Variants in MAP4 observed in about 807,000 individuals in gnomAD.
MAP4 encodes microtubule-associated protein 4.
A neutral mutation model predicts 170.2 loss-of-function variants in MAP4; 76 were observed. That is an observed-to-expected ratio of 0.45 (90% confidence interval 0.37 to 0.54). The LOEUF is 0.54. Among genes scored for constraint, MAP4 ranks in the 20% least tolerant of loss-of-function variants. The pLI is 0.00. For synonymous variants in MAP4, 909 were observed against 994.5 expected (o/e 0.91, Z 1.62); for missense variants, 2,506 against 2,748.0 (o/e 0.91, Z 1.97).
upstream of MAP4, among the ~76,000 whole-genome samples, chr3:48,019,954 TA>T (rs1373631470): frequency 1.3e-5 from 2 of 152,154 alleles, no homozygotes; most frequent in East Asian, 3.8e-4. Context: ...TCAGTGAAAA[TA>T]AAGAAAAGTG....
intron 1 of MAP4, among the ~76,000 whole-genome samples, chr3:48,012,215 C>T (rs1471874480): frequency 2.6e-5 from 4 of 152,196 alleles, no homozygotes; most frequent in African/African-American, 7.2e-5. Context: ...AGCCATATTA[C>T]GGAACTTTCC....
At position 47,870,956 on chromosome 3, in the gene MAP4, T is replaced by C. The variant is rs1286791575; in HGVS notation, c.6151A>G (p.Lys2051Glu). Residue 2051 changes from lysine to glutamate, a missense_variant, in exon 15 of 21, where the codon AAG becomes GAG. By Grantham distance (56) the Lys-to-Glu change is moderately conservative. Coordinates refer to ENST00000683076, the MANE Select transcript of MAP4 (RefSeq NM_001385682.1). ...SRPSTTPFID[K>E]KPTSAKPSST... is the part of the protein sequence containing the mutation. Reference sequence around the variant, plus strand: ...CTGGGTTTGGCCGAGGTGGGCTTCTTGTCTATGAAAGGAGTTGTGGAGGGC... The same window carrying C: ...CTGGGTTTGGCCGAGGTGGGCTTCTCGTCTATGAAAGGAGTTGTGGAGGGC... The C allele has an allele frequency of 1.9e-6, 3 of 1,614,104 alleles. No individual in the cohort carries two copies. The highest frequency in any genetic ancestry group is 1.7e-5 in the Admixed American group (1 of 60,026).
At chr3:47,921,482 CT>C (rs1469254121) in intron 5 of MAP4, among the ~76,000 whole-genome samples, 2 of 152,088 alleles carry the variant, frequency 1.3e-5, no homozygotes, top group Non-Finnish European at 2.9e-5. Flanking sequence ...TTTGCGGCCC[CT>C]AGAGACTCAA....
chr3:47,873,987 C>T (rs1257883626), intron 12 of MAP4, among the ~76,000 whole-genome samples: 1 of 152,122 alleles, frequency 6.6e-6, no homozygotes, highest in Non-Finnish European at 1.5e-5. Context: ...CTTATTTTTT[C>T]TGAATAGGTT....
intron 3 of MAP4, among the ~76,000 whole-genome samples, chr3:47,942,420 G>A (rs1295515617): frequency 6.6e-6 from 1 of 151,802 alleles, no homozygotes; most frequent in East Asian, 1.9e-4. Context: ...TCACTTTGTT[G>A]CCTAGGCTGG....
intron 1 of MAP4, among the ~76,000 whole-genome samples, chr3:48,053,206 C>T (rs2100128832): frequency 6.6e-6 from 1 of 152,098 alleles, no homozygotes. Context: ...ATAGCTAATA[C>T]CAAAAATCCT....
Position 47,911,002 on chromosome 3 carries a change from C to T in MAP4, c.3419G>A (p.Gly1140Glu). ...AGGCTGAGTCATCTCTTTAGGCTCC[C>T]CCATCACCACTGCCTCCGTGAGATC... ...KADLTEAVVM[G>E]EPKEMTQPKV... Residue 1140 changes from glycine (G) to glutamate (E), a missense_variant, in exon 9 of 21, where the codon GGG becomes GAG. By Grantham distance (98) the Gly-to-Glu change is moderately conservative. This residue lies in a region of MAP4 where 2,008 missense variants were observed against 2,206.0 expected (regional missense o/e 0.91). Coordinates refer to ENST00000683076, the MANE Select transcript of MAP4 (RefSeq NM_001385682.1). This position sits in a 1 kb window ranked among gnomAD's most constrained non-coding sequence, Gnocchi z 4.0. 1 of 1,536,200 alleles carries T rather than the reference C, an allele frequency of 6.5e-7. No homozygotes were observed. The highest frequency in any genetic ancestry group is 8.7e-7 in the Non-Finnish European group (1 of 1,146,914).
intron 1 of MAP4, among the ~76,000 whole-genome samples, chr3:48,027,943 A>G (rs1391297620): frequency 1.3e-5 from 2 of 152,178 alleles, no homozygotes; most frequent in Non-Finnish European, 2.9e-5. Context: ...CCATTCACAC[A>G]ATATCTGCAG....
At chr3:47,880,465 G>GTT (rs3079393) in intron 10 of MAP4, among the ~76,000 whole-genome samples, 31,118 of 105,760 alleles carry the variant, frequency 0.29, 5,016 homozygotes, top group African/African-American at 0.37. Flanking sequence ...TCCAATTTCA[G>GTT]TTTTTTTTTT....
chr3:48,054,155 A>C (rs990198189), intron 1 of MAP4, among the ~76,000 whole-genome samples: 2 of 151,896 alleles, frequency 1.3e-5, no homozygotes, highest in African/African-American at 2.4e-5. Flanking sequence ...TACAAAAATT[A>C]GGTGTGGTGG....
rs564067436 is a variant in MAP4 at position 48,061,910 on chromosome 3, G to A, written c.-20+26863C>T. On this transcript the variant is annotated intron_variant, in intron 1 of 18. Transcript: ENST00000360240. ...GGCGCCTCCGCCCGGCCGCCACCCCGTCCGGGAGGTGGGGGGCACCTCTGC... is the reference window on the plus strand; with the variant it reads ...GGCGCCTCCGCCCGGCCGCCACCCCATCCGGGAGGTGGGGGGCACCTCTGC... 5.7e-5 allele frequency among the ~76,000 whole-genome samples: 8 copies of A among 140,146 alleles called. No homozygotes were observed. The South Asian group carries it at 6.8e-4, about 12-fold the overall frequency. The allele number at this position is 140,146 out of a possible 152,430, so 91.9% of individuals were successfully genotyped here.
intron 1 of MAP4, among the ~76,000 whole-genome samples, chr3:48,047,230 G>A (rs2100125106): frequency 6.6e-6 from 1 of 152,046 alleles, no homozygotes; most frequent in African/African-American, 2.4e-5. Flanking sequence ...ATCATCGTCT[G>A]TAGAGTGCTT....
intron 1 of MAP4, among the ~76,000 whole-genome samples, chr3:48,078,629 G>A (rs975599140): frequency 6.6e-6 from 1 of 152,072 alleles, no homozygotes; most frequent in African/African-American, 2.4e-5. Context: ...GATATGTAGA[G>A]AACTAAGCCT....
At chr3:47,891,411 C>T (rs1261603290) in intron 10 of MAP4, 2 of 1,535,754 alleles carry the variant, frequency 1.3e-6, no homozygotes, top group African/African-American at 1.4e-5. Context: ...GTCTGTTCCT[C>T]ACCCACAGTC....
intron 10 of MAP4, among the ~76,000 whole-genome samples, chr3:47,897,950 GAAAA>G (rs370278143): frequency 1.5e-5 from 2 of 134,534 alleles, no homozygotes; most frequent in African/African-American, 2.9e-5. Context: ...TCGGGGGGGG[GAAAA>G]AAAAAAAAGA....
rs529755825 is a variant in MAP4, at chr3:47,893,774, TA to T, written c.5434+9175del. 1.4e-4 allele frequency among the ~76,000 whole-genome samples: 21 copies of T among 150,094 alleles called. No individual in the cohort carries two copies. In the East Asian group the frequency reaches 1.7e-3, roughly 12 times the overall value. On this transcript the variant is annotated intron_variant, in intron 10 of 20. Coordinates refer to ENST00000683076, the MANE Select transcript of MAP4 (RefSeq NM_001385682.1). ...ATTTAGATTGCTTTTTTTTTTTTTT[TA>T]AAAAAAGGCCATTTGCCATAAACTG...
intron 5 of MAP4, among the ~76,000 whole-genome samples, 199 bp downstream of exon 5, chr3:47,921,566 T>G (rs1247625156): frequency 2.6e-5 from 4 of 152,162 alleles, no homozygotes; most frequent in African/African-American, 4.8e-5. Flanking sequence ...CTATATAAGG[T>G]GGAATTCTAA....
rs1456221507 is a variant in MAP4 at position 47,964,486 on chromosome 3, TTTC to T, written c.292+13376_292+13378del. Among the ~76,000 whole-genome samples, 4 of 152,310 alleles carry T rather than the reference TTTC, an allele frequency of 2.6e-5. No homozygotes were observed. The South Asian group carries it at 6.2e-4, about 24-fold the overall frequency. ...AGGAGATGGGGAGGCAGGTGGTTTT[TTTC>T]TTCTTTTTCTTCTCTGTTTTGATTT... On this transcript the variant is annotated intron_variant, in intron 3 of 20. Transcript: ENST00000683076.
intron 1 of MAP4, among the ~76,000 whole-genome samples, chr3:48,003,451 CTCAAA>C: frequency 1.5e-5 from 1 of 68,580 alleles, no homozygotes; most frequent in East Asian, 4.6e-4. Context: ...GAGACTCCTT[CTCAAA>C]AAAAAAAAAA....
Sources: gnomAD v4.1 joint callset for allele counts (sites outside exome capture counted in the v4.1 genomes callset) on GRCh38, gnomAD v4.1.1 for gene constraint, gnomAD v4.1.1 regional missense constraint, Gnocchi (gnomAD v3.1) non-coding constraint, MANE v1.5 for transcripts, NCBI Gene and HGNC (gene_info 2026-07-23, HGNC 2026-07-21) for gene names.